Variants in DDX18 observed in about 807,000 individuals in gnomAD.
DDX18 encodes ATP-dependent RNA helicase DDX18.
A neutral mutation model predicts 73.5 loss-of-function variants in DDX18; 23 were observed. The ratio of observed to expected loss-of-function variants is 0.31; its 90% confidence interval spans 0.23 to 0.44. The LOEUF (loss-of-function observed/expected upper bound fraction) is 0.44. DDX18 is among the 20% of genes least tolerant of loss of function. The pLI is 1.00. For missense variants in DDX18, 753 were observed against 792.9 expected, an observed-to-expected ratio of 0.95 and a Z score of 0.60; for synonymous variants, 268 against 282.7, an observed-to-expected ratio of 0.95 and a Z score of 0.52.
chr2:117,826,383 G>T lies in DDX18; in HGVS notation c.1635+1G>T. On this transcript the variant is annotated splice_donor_variant, in intron 11 of 13. Coordinates refer to ENST00000263239, the MANE Select transcript of DDX18 (RefSeq NM_006773.4). LOFTEE classifies it high-confidence loss of function. ...TCTTCGCTACTTGAAACAATCCAAG[G>T]TAAAGATCTGTACTTGGAGAAAGAT... The T allele has an allele frequency of 6.2e-7, 1 of 1,611,408 alleles. No individual in the cohort carries two copies. Among genetic ancestry groups the T allele is most frequent in the South Asian group, 1.1e-5 (1 of 90,792 alleles).
At chr2:117,817,335 TC>T in intron 1 of DDX18, 108 bp from the exon 2 acceptor site, 1 of 1,054,966 alleles carries the variant, frequency 9.5e-7, no homozygotes, top group East Asian at 2.6e-5. Flanking sequence ...GAGAAGAAAA[TC>T]TAAATAATTT....
At position 117,829,335 on chromosome 2, in the gene DDX18, A is replaced by G. The variant is rs1397678160; in HGVS notation, c.1739A>G (p.Gln580Arg). 2 of 1,612,690 alleles carry G rather than the reference A, an allele frequency of 1.2e-6. No homozygotes were observed. Among genetic ancestry groups the G allele is most frequent in the African/African-American group, 2.7e-5 (2 of 74,874 alleles). Residue 580 changes from glutamine (Q) to arginine (R), a missense_variant, in exon 13 of 14, where the codon CAG becomes CGG. By Grantham distance (43) the Gln-to-Arg change is conservative. Around this residue, in one of 3 missense-constraint regions of DDX18, gnomAD observed 402 missense variants for 419.4 expected, o/e 0.96. Coordinates refer to ENST00000263239, the MANE Select transcript of DDX18 (RefSeq NM_006773.4). ...EKNYFLHKSA[Q>R]EAYKSYIRAY... The stretch of plus-strand genomic sequence containing the variant: ...AATTACTTTCTTCATAAGTCAGCCC[A>G]GGAAGCATATAAGTCATACATACGA...
intron 11 of DDX18, chr2:117,827,019 A>G (rs1558734702): frequency 6.5e-6 from 1 of 153,324 alleles, no homozygotes; most frequent in Non-Finnish European, 1.5e-5. Flanking sequence ...TTAGCTTTCT[A>G]CTATCACACC....
At position 117,830,728 on chromosome 2, in the gene DDX18, C is replaced by T; in HGVS notation, c.*4C>T. ...CAGCAGGCAGTTCTCTCACTGAACA[C>T]ATGCCTTCCTTTCATCTTGAATAAC... On this transcript the variant is annotated 3_prime_UTR_variant, in exon 14 of 14. Transcript: ENST00000263239. 1 of 1,609,960 alleles carries T rather than the reference C, an allele frequency of 6.2e-7. No individual in the cohort carries two copies. The highest frequency in any genetic ancestry group is 1.1e-5 in the South Asian group (1 of 89,644).
intron 11 of DDX18, chr2:117,827,024 CA>C (rs1679938468): frequency 1.3e-5 from 2 of 153,424 alleles, no homozygotes; most frequent in Admixed American, 1.3e-4. Flanking sequence ...TTTCTACTAT[CA>C]CACCAGAATT....
Position 117,814,716 on chromosome 2 carries a change from T to A in DDX18, c.-62T>A. 1.3e-6 allele frequency: 2 copies of A among 1,542,610 alleles called. No individual in the cohort carries two copies. Among genetic ancestry groups the A allele is most frequent in the South Asian group, 1.1e-5 (1 of 87,362 alleles). ...ACGTGCGGCCGGAAGGGAAGTAACG[T>A]CAGCCTGAGAACTGAGTAGCTGTAC... On this transcript the variant is annotated 5_prime_UTR_variant, in exon 1 of 14. Coordinates refer to ENST00000263239, the MANE Select transcript of DDX18 (RefSeq NM_006773.4).
At chr2:117,817,756 G>C (rs76291688) in intron 2 of DDX18, 28 bp downstream of exon 2, 1 of 1,567,588 alleles carries the variant, frequency 6.4e-7, no homozygotes, top group East Asian at 2.2e-5. Context: ...TTGAACTTCA[G>C]CCATTTAGTT....
chr2:117,830,432 T>G (rs987149928), intron 13 of DDX18, 150 bp from the exon 14 acceptor site: 18 of 987,696 alleles, frequency 1.8e-5, no homozygotes, highest in Admixed American at 1.7e-4. Context: ...TTCTGGAAAT[T>G]TATTGCATAG....
At chr2:117,826,751 C>T (rs1558734636) in intron 11 of DDX18, 3 of 216,630 alleles carry the variant, frequency 1.4e-5, no homozygotes, top group African/African-American at 4.5e-5. Context: ...AATCCTTGTT[C>T]GCTCTAGCCT....
intron 13 of DDX18, 137 bp from the exon 14 acceptor site, chr2:117,830,445 T>TTA (rs1680002742): frequency 9.2e-7 from 1 of 1,089,498 alleles, no homozygotes; most frequent in East Asian, 2.7e-5. Context: ...TTGCATAGGC[T>TTA]TATGTTCCCA....
chr2:117,816,531 A>G (rs1453239686), intron 1 of DDX18, among the ~76,000 whole-genome samples: 1 of 152,176 alleles, frequency 6.6e-6, no homozygotes, highest in Non-Finnish European at 1.5e-5. Context: ...GGGCAACAAT[A>G]GGCATGGAGC....
chr2:117,830,787 T>G lies in DDX18; in HGVS notation c.*63T>G. 2 of 1,589,296 alleles carry G rather than the reference T, an allele frequency of 1.3e-6. No homozygotes were observed. Among genetic ancestry groups the G allele is most frequent in the Non-Finnish European group, 8.5e-7 (1 of 1,170,104 alleles). ...AAAATGAATTTTTTTTCCCCTTGAT[T>G]TAACAGGATTTTTGTAGACTTTAGA... On this transcript the variant is annotated 3_prime_UTR_variant, in exon 14 of 14. Transcript: ENST00000263239.
chr2:117,828,917 G>A (rs768322192), intron 11 of DDX18, 32 bp from the exon 12 acceptor site: 2 of 1,473,396 alleles, frequency 1.4e-6, no homozygotes, highest in Non-Finnish European at 9.5e-7. Flanking sequence ...TGATCATCCT[G>A]GTTTACTAAT....
At chr2:117,825,661 C>T in intron 10 of DDX18, 62 bp downstream of exon 10, 1 of 1,578,434 alleles carries the variant, frequency 6.3e-7, no homozygotes, top group Non-Finnish European at 8.7e-7. Flanking sequence ...CTTATTCTCC[C>T]AGTTCCCTGA....
At chr2:117,822,840 C>G (rs1028745122) in intron 7 of DDX18, 1 of 152,378 alleles carries the variant, frequency 6.6e-6, no homozygotes, top group African/African-American at 2.4e-5. Context: ...TATACCTTGT[C>G]CCCAGGTGAG....
intron 1 of DDX18, chr2:117,815,851 G>C (rs541653869): frequency 5.3e-5 from 8 of 152,284 alleles, no homozygotes; most frequent in African/African-American, 1.9e-4. Flanking sequence ...TGTGAGAAAT[G>C]TGTCATTAGG....
rs1679896368 is a variant in DDX18 at position 117,824,679 on chromosome 2, G to A, written c.1177G>A (p.Ala393Thr). ...PLYVGVDDDK[A>T]NATVDGLEQG... Reference sequence around the variant, plus strand: ...GTATGTTGGCGTTGATGATGATAAAGCGAATGCAACAGTGGATGGTCTTGA... The same window carrying A: ...GTATGTTGGCGTTGATGATGATAAAACGAATGCAACAGTGGATGGTCTTGA... Residue 393 changes from alanine (A) to threonine (T), a missense_variant, in exon 8 of 14, where the codon GCG becomes ACG. Physicochemically the swap from Ala to Thr is moderately conservative, Grantham distance 58. Around this residue, in one of 3 missense-constraint regions of DDX18, gnomAD observed 402 missense variants for 419.4 expected, o/e 0.96. Coordinates refer to ENST00000263239, the MANE Select transcript of DDX18 (RefSeq NM_006773.4). 6.7e-7 allele frequency: 1 copy of A among 1,482,856 alleles called. No homozygotes were observed. Among genetic ancestry groups the A allele is most frequent in the Non-Finnish European group, 9.0e-7 (1 of 1,117,196 alleles). 91.9% of individuals were successfully genotyped at this position (1,482,856 alleles called of 1,614,324 possible). A position where few individuals can be genotyped will look rare whatever the true frequency, so the allele number is the denominator to read the frequency against.
At position 117,831,013 on chromosome 2, in the gene DDX18, G is replaced by A; in HGVS notation, c.*289G>A. The stretch of plus-strand genomic sequence containing the variant: ...TTAAATATCCCTCCCTCATACAAGT[G>A]TATGTTACCATTTTAATATAATTCT... On this transcript the variant is annotated 3_prime_UTR_variant, in exon 14 of 14. Coordinates refer to ENST00000263239, the MANE Select transcript of DDX18 (RefSeq NM_006773.4). 6.1e-6 allele frequency: 2 copies of A among 326,164 alleles called. No homozygotes were observed. Among genetic ancestry groups the A allele is most frequent in the South Asian group, 4.3e-5 (1 of 23,088 alleles). The allele number at this position is 326,164 out of a possible 1,614,324, so 20.2% of individuals were successfully genotyped here.
rs1224584920 is a variant in DDX18 at position 117,822,133 on chromosome 2, C to G, written c.952-14C>G. The G allele has an allele frequency of 5.0e-6, 8 of 1,613,640 alleles. No individual in the cohort carries two copies. Among genetic ancestry groups the G allele is most frequent in the South Asian group, 2.2e-5 (2 of 91,056 alleles). ...TGACAACTAATGGTTGTTCTTTGTC[C>G]TTTGTTTTGTTAGAATACCCCAGGA... On this transcript the variant is annotated splice_polypyrimidine_tract_variant and intron_variant, in intron 6 of 13. Coordinates refer to ENST00000263239, the MANE Select transcript of DDX18 (RefSeq NM_006773.4).
Sources: allele counts gnomAD v4.1 joint callset (sites outside exome capture counted in the v4.1 genomes callset), GRCh38; gene constraint gnomAD v4.1.1; regional missense constraint gnomAD v4.1.1; transcripts MANE v1.5; gene names NCBI Gene and HGNC (gene_info 2026-07-23, HGNC 2026-07-21).